Variants in UPF3A observed in about 807,000 individuals in gnomAD.
The protein encoded by UPF3A is regulator of nonsense transcripts 3A.
A neutral mutation model predicts 53.5 loss-of-function variants in UPF3A; 42 were observed. The observed-to-expected ratio is 0.78, with a 90% confidence interval of 0.61 to 1.01. UPF3A has a LOEUF of 1.01. Ranked by LOEUF, UPF3A falls within the 50% of genes least tolerant of loss-of-function variation. The pLI is 0.00. For missense variants in UPF3A, 575 were observed against 598.0 expected (o/e 0.96, Z 0.40); for synonymous variants, 237 against 225.3 (o/e 1.05, Z -0.47).
At chr13:114,287,760 A>G (rs933449429) in intron 5 of UPF3A, 13 of 152,218 alleles carry the variant, frequency 8.5e-5, no homozygotes, top group African/African-American at 3.1e-4. Context: ...TGATTGAATT[A>G]ATAAAAAAAG....
intron 9 of UPF3A, among the ~76,000 whole-genome samples, 163 bp downstream of exon 9, chr13:114,302,188 G>A (rs1053755238): frequency 6.6e-6 from 1 of 152,148 alleles, no homozygotes; most frequent in Non-Finnish European, 1.5e-5. Context: ...AGTGAGACTA[G>A]TCATCATCTT....
At chr13:114,292,332 TCA>T (rs1344382965) in intron 7 of UPF3A, among the ~76,000 whole-genome samples, 1 of 149,676 alleles carries the variant, frequency 6.7e-6, no homozygotes, top group African/African-American at 2.5e-5. Context: ...TGCAGATGTG[TCA>T]CATGTTCATT....
At position 114,291,718 on chromosome 13, in the gene UPF3A, AGAG is replaced by A. The variant is rs1241466130; in HGVS notation, c.773_775del (p.Arg258_Glu259delinsLys). 3.1e-6 allele frequency: 5 copies of A among 1,599,822 alleles called. No homozygotes were observed. The highest frequency in any genetic ancestry group is 4.5e-5 in the East Asian group (2 of 44,808). On this transcript the variant is annotated inframe_deletion, in exon 7 of 10. Coordinates refer to ENST00000375299, the MANE Select transcript of UPF3A (RefSeq NM_023011.4). ...GCGGGAAGAGGAAAAAAGAAGAAGA[AGAG>A]AAGAAGAAAGATGCAAAAAAAAAGA...
chr13:114,294,950 A>T (rs1210544832), intron 7 of UPF3A, among the ~76,000 whole-genome samples: 2 of 151,312 alleles, frequency 1.3e-5, no homozygotes, highest in African/African-American at 4.9e-5. Flanking sequence ...ATCTCTACTA[A>T]AAATACAAAA....
intron 9 of UPF3A, 105 bp from the exon 10 acceptor site, chr13:114,304,684 T>A: frequency 2.0e-6 from 3 of 1,473,110 alleles, no homozygotes; most frequent in Non-Finnish European, 2.7e-6. Context: ...CCTAGTTGAT[T>A]TTCTTTGGAC....
In UPF3A at chr13:114,284,154, G is replaced by C. The variant is rs2084410022; in HGVS notation, c.421+1211G>C. The stretch of plus-strand genomic sequence containing the variant: ...CAAGGCGGGTGGATCACGAGGTCAG[G>C]AGTTCGAGACCGGCCTGAGCAACAA... On this transcript the variant is annotated intron_variant, in intron 3 of 9. Transcript: ENST00000375299. 3 of 797,688 alleles carry C rather than the reference G, an allele frequency of 3.8e-6. No individual in the cohort carries two copies. The African/African-American group carries it at 5.6e-5, about 15-fold the overall frequency. The allele number at this position is 797,688 out of a possible 1,614,324, so 49.4% of individuals were successfully genotyped here.
At chr13:114,286,724 T>A in intron 5 of UPF3A, 95 bp downstream of exon 5, 1 of 985,036 alleles carries the variant, frequency 1.0e-6, no homozygotes, top group Admixed American at 3.0e-5. Flanking sequence ...GATAACAAGT[T>A]GAAACTTGTT....
At chr13:114,291,878 T>C (rs2085306673) in intron 7 of UPF3A, 86 bp downstream of exon 7, 1 of 1,424,608 alleles carries the variant, frequency 7.0e-7, no homozygotes, top group Admixed American at 2.3e-5. Context: ...CTTTAGAATT[T>C]TGAAAACATT....
At chr13:114,298,787 T>A in intron 7 of UPF3A, 53 bp from the exon 8 acceptor site, 1 of 1,384,978 alleles carries the variant, frequency 7.2e-7, no homozygotes, top group Non-Finnish European at 9.5e-7. Flanking sequence ...TTTAACAGCT[T>A]CTTTTAAAAT....
At position 114,281,725 on chromosome 13, in the gene UPF3A, T is replaced by C; in HGVS notation, c.86T>C (p.Leu29Pro). ...GPSGREKLSA[L>P]EVQFHRDSQQ... The stretch of plus-strand genomic sequence containing the variant: ...AGCGGGAGGGAGAAGCTGTCGGCCC[T>C]AGAAGTGCAGTTCCACCGCGACTCG... The change falls in exon 1 of 10, where the codon CTA (leucine) becomes CCA (proline). Residue 29 changes from leucine (L) to proline (P), a missense_variant. Coordinates refer to ENST00000375299, the MANE Select transcript of UPF3A (RefSeq NM_023011.4). The C allele has an allele frequency of 1.3e-6, 2 of 1,556,526 alleles. No individual in the cohort carries two copies. Among genetic ancestry groups the C allele is most frequent in the Non-Finnish European group, 1.7e-6 (2 of 1,151,280 alleles).
At chr13:114,292,117 T>C (rs1224334747) in intron 7 of UPF3A, among the ~76,000 whole-genome samples, 1 of 151,722 alleles carries the variant, frequency 6.6e-6, no homozygotes, top group Non-Finnish European at 1.5e-5. Context: ...TTTTAAACTT[T>C]CCAACTTTCA....
intron 7 of UPF3A, among the ~76,000 whole-genome samples, chr13:114,292,888 CATGGTGA>C (rs1414389474): frequency 6.6e-6 from 1 of 151,834 alleles, no homozygotes. Flanking sequence ...CCCTGACTAA[CATGGTGA>C]AACCCTGTCT....
chr13:114,296,156 A>G (rs2085977595), intron 7 of UPF3A, among the ~76,000 whole-genome samples: 1 of 152,228 alleles, frequency 6.6e-6, no homozygotes, highest in African/African-American at 2.4e-5. Context: ...GGGCCAAGGC[A>G]GGTGGATCCC....
intron 1 of UPF3A, 46 bp from the exon 2 acceptor site, chr13:114,281,975 T>C (rs1594738601): frequency 4.6e-6 from 7 of 1,515,526 alleles, no homozygotes; most frequent in Non-Finnish European, 6.2e-6. Context: ...TTTGAGCTCC[T>C]TGTCCACGCT....
intron 5 of UPF3A, among the ~76,000 whole-genome samples, chr13:114,290,159 C>T (rs941934703): frequency 1.3e-5 from 2 of 152,194 alleles, no homozygotes; most frequent in African/African-American, 4.8e-5. Flanking sequence ...CGAAATGTGG[C>T]ATTTGTACCT....
chr13:114,298,827 T>C lies in UPF3A; in HGVS notation c.847-13T>C. ...TCTCAAGGTGATACTTTACTAACAT[T>C]GTAATTTCTCAGCTTCTTAAGAAAC... On this transcript the variant is annotated splice_polypyrimidine_tract_variant and intron_variant, in intron 7 of 9. Transcript: ENST00000375299. 1 of 1,545,212 alleles carries C rather than the reference T, an allele frequency of 6.5e-7. No individual in the cohort carries two copies.
chr13:114,282,898 C>T lies in UPF3A; in HGVS notation c.376C>T (p.Leu126Phe). The T allele has an allele frequency of 6.2e-7, 1 of 1,612,408 alleles. No individual in the cohort carries two copies. The highest frequency in any genetic ancestry group is 8.5e-7 in the Non-Finnish European group (1 of 1,179,092). ...INFRNPDDILLFRDRFDGYIF... is the reference protein window; with the variant it reads ...INFRNPDDILFFRDRFDGYIF... ...TTTTAGGAATCCTGATGACATCCTT[C>T]TTTTTAGAGATCGTTTTGATGGATA... The change falls in exon 3 of 10, where the codon CTT (leucine) becomes TTT (phenylalanine). Residue 126 changes from leucine (L) to phenylalanine (F), a missense_variant. Leu to Phe is a conservative substitution (Grantham distance 22). This residue lies in a region of UPF3A where 252 missense variants were observed against 182.7 expected (regional missense o/e 1.38). Transcript: ENST00000375299.
Position 114,301,838 on chromosome 13 carries a change from A to G in UPF3A, c.1115A>G (p.His372Arg), listed in dbSNP as rs200073551. The G allele has an allele frequency of 2.6e-4, 421 of 1,613,648 alleles. 2 individuals carry two copies. The East Asian group carries it at 8.6e-3, about 33-fold the overall frequency. ...GATGACGGCAGGAGGCACAGAGCTC[A>G]CCACGAGCCTGAACGGCTTTCCAGA... ...HVDDGRRHRAHHEPERLSRRS... is the reference protein window; with the variant it reads ...HVDDGRRHRARHEPERLSRRS... Residue 372 changes from histidine to arginine, a missense_variant, in exon 9 of 10, where the codon CAC (histidine) becomes CGC (arginine). By Grantham distance (29) the His-to-Arg change is conservative. Around this residue, in one of 2 missense-constraint regions of UPF3A, gnomAD observed 323 missense variants for 415.2 expected, o/e 0.78. Coordinates refer to ENST00000375299, the MANE Select transcript of UPF3A (RefSeq NM_023011.4).
At chr13:114,290,352 A>G (rs953773717) in intron 5 of UPF3A, among the ~76,000 whole-genome samples, 16 of 152,166 alleles carry the variant, frequency 1.1e-4, no homozygotes, top group Admixed American at 2.0e-4. Flanking sequence ...GGCTTCTCCT[A>G]TGATTCCTGA....
Sources: gnomAD v4.1 joint callset for allele counts (sites outside exome capture counted in the v4.1 genomes callset) on GRCh38, gnomAD v4.1.1 for gene constraint, gnomAD v4.1.1 regional missense constraint, MANE v1.5 for transcripts, NCBI Gene and HGNC (gene_info 2026-07-23, HGNC 2026-07-21) for gene names.